The following SLC39A8 variants were observed in gnomAD, a reference collection of about 807,000 sequenced individuals.
SLC39A8 encodes the protein metal cation symporter ZIP8.
A neutral mutation model predicts 40.4 loss-of-function variants in SLC39A8; 15 were observed. The observed-to-expected ratio is 0.37, with a 90% CI of 0.25 to 0.57. SLC39A8 has a LOEUF of 0.57. SLC39A8 is among the 20% of genes least tolerant of loss of function. SLC39A8 has a pLI of 0.75. For synonymous variants in SLC39A8, 223 were observed against 221.6 expected, an observed-to-expected ratio of 1.01 and a Z score of -0.06; for missense variants, 472 against 558.8, an observed-to-expected ratio of 0.84 and a Z score of 1.57.
chr4:102,283,810 G>GTT (rs1733021315), intron 6 of SLC39A8, among the ~76,000 whole-genome samples: 1 of 152,148 alleles, frequency 6.6e-6, no homozygotes, highest in African/African-American at 2.4e-5. Context: ...TATCTAGAAT[G>GTT]TTTTCCAATG....
chr4:102,336,463 T>A (rs559164338), intron 2 of SLC39A8, among the ~76,000 whole-genome samples: 8 of 152,330 alleles, frequency 5.3e-5, no homozygotes, highest in African/African-American at 1.9e-4. Flanking sequence ...ACAATTATGG[T>A]TTATTTTTTA....
At chr4:102,326,253 A>T (rs541154943) in intron 2 of SLC39A8, among the ~76,000 whole-genome samples, 1 of 152,324 alleles carries the variant, frequency 6.6e-6, no homozygotes, top group African/African-American at 2.4e-5. Context: ...AGGGCTGGGG[A>T]GTTGCCACAA....
chr4:102,268,603 C>T (rs1055159171), intron 6 of SLC39A8, among the ~76,000 whole-genome samples: 1 of 152,188 alleles, frequency 6.6e-6, no homozygotes, highest in Non-Finnish European at 1.5e-5. Flanking sequence ...AGACATTGTA[C>T]TAAATGATTC....
At chr4:102,267,707 A>AT in intron 7 of SLC39A8, 33 bp from the exon 8 acceptor site, 1 of 1,551,012 alleles carries the variant, frequency 6.4e-7, no homozygotes, top group Non-Finnish European at 8.7e-7. Flanking sequence ...TCAAGTGAAT[A>AT]GTTTTTTTTT....
At chr4:102,272,319 G>A (rs565933328) in intron 6 of SLC39A8, among the ~76,000 whole-genome samples, 1 of 152,024 alleles carries the variant, frequency 6.6e-6, no homozygotes, top group South Asian at 2.1e-4. Flanking sequence ...GGCGCCTGTA[G>A]TCCCAGCTAC....
chr4:102,341,621 T>C (rs1054613253), intron 2 of SLC39A8, among the ~76,000 whole-genome samples: 4 of 152,200 alleles, frequency 2.6e-5, no homozygotes, highest in Admixed American at 1.3e-4. Flanking sequence ...TCTACCTAAC[T>C]CTTCGCACTG....
chr4:102,332,760 C>A (rs1354414054), intron 2 of SLC39A8, among the ~76,000 whole-genome samples: 1 of 152,196 alleles, frequency 6.6e-6, no homozygotes, highest in Non-Finnish European at 1.5e-5. Context: ...GACTTGGAAC[C>A]AACCCAAATG....
rs144282240 is a variant in SLC39A8, at chr4:102,307,568, A to G, written c.420T>C (p.Asn140=). ...AAATCAATCCGAGGAGAGATGCCAG[A>G]TTAATAATCGTCACTGACAGGAATC... The part of the protein sequence containing the change: ...GYGFLSVTII[N]LASLLGLILT... The change falls in exon 4 of 9, where the codon AAT becomes AAC. Residue 140 remains asparagine (N), a synonymous_variant. Transcript: ENST00000356736. The G allele has an allele frequency of 6.9e-5, 111 of 1,613,342 alleles. No homozygotes were observed. Among genetic ancestry groups the G allele is most frequent in the Admixed American group, 1.2e-4 (7 of 59,934 alleles).
intron 2 of SLC39A8, among the ~76,000 whole-genome samples, chr4:102,326,548 A>G (rs1310365169): frequency 6.6e-6 from 1 of 152,152 alleles, no homozygotes; most frequent in Non-Finnish European, 1.5e-5. Context: ...GCGACAGAGC[A>G]AGACTCCGTC....
intron 6 of SLC39A8, among the ~76,000 whole-genome samples, chr4:102,272,230 G>A (rs991540844): frequency 2.7e-4 from 41 of 151,842 alleles, no homozygotes; most frequent in Admixed American, 2.6e-3. Flanking sequence ...TCAGGAGATC[G>A]AGACCATCCT....
chr4:102,292,217 G>GA (rs1733477699), intron 6 of SLC39A8, among the ~76,000 whole-genome samples: 1 of 151,932 alleles, frequency 6.6e-6, no homozygotes, highest in Non-Finnish European at 1.5e-5. Flanking sequence ...CAAAACAAAT[G>GA]AAAAATAGGT....
intron 8 of SLC39A8, among the ~76,000 whole-genome samples, chr4:102,263,865 C>G (rs1221825234): frequency 1.3e-5 from 2 of 152,144 alleles, no homozygotes; most frequent in African/African-American, 4.8e-5. Context: ...GAAGCAACCC[C>G]TCATTCATTC....
chr4:102,310,719 C>G (rs1321514700), intron 3 of SLC39A8, among the ~76,000 whole-genome samples: 1 of 152,080 alleles, frequency 6.6e-6, no homozygotes, highest in South Asian at 2.1e-4. Flanking sequence ...TTCCACTTAA[C>G]TGAAGCACCA....
At chr4:102,287,252 T>C (rs1318950846) in intron 6 of SLC39A8, among the ~76,000 whole-genome samples, 2 of 152,040 alleles carry the variant, frequency 1.3e-5, no homozygotes, top group Non-Finnish European at 2.9e-5. Context: ...GTATGCAAAA[T>C]TTGGTAGGTC....
intron 2 of SLC39A8, among the ~76,000 whole-genome samples, chr4:102,329,027 CAA>C (rs35230164): frequency 2.5e-4 from 24 of 95,468 alleles, no homozygotes; most frequent in Non-Finnish European, 2.3e-4. Flanking sequence ...GACTGAATCT[CAA>C]AAAAAAAAAA....
rs1383209065 is a variant in SLC39A8 at position 102,261,864 on chromosome 4, A to ATCACCTTAAGTGACTTGGGAGTGT, written c.*1156_*1179dup. The ATCACCTTAAGTGACTTGGGAGTGT allele has an allele frequency of 3.2e-4, 318 of 985,956 alleles. No individual in the cohort carries two copies. Among genetic ancestry groups the ATCACCTTAAGTGACTTGGGAGTGT allele is most frequent in the Non-Finnish European group, 3.7e-4 (303 of 829,892 alleles). The allele number at this position is 985,956 out of a possible 1,614,324, so 61.1% of individuals were successfully genotyped here. On this transcript the variant is annotated 3_prime_UTR_variant, in exon 9 of 9. Transcript: ENST00000356736. The stretch of plus-strand genomic sequence containing the variant: ...TGTCAATCATTTTCCTCACCATCAA[A>ATCACCTTAAGTGACTTGGGAGTGT]TCACCTTAAGTGACTTGGGAGTGTG...
chr4:102,314,514 G>A (rs980524319), intron 3 of SLC39A8, among the ~76,000 whole-genome samples: 1 of 152,080 alleles, frequency 6.6e-6, no homozygotes, highest in Non-Finnish European at 1.5e-5. Flanking sequence ...TCCATCTCCC[G>A]CCAGGACATA....
Position 102,315,706 on chromosome 4 carries a change from T to A in SLC39A8, c.344A>T (p.Asp115Val). Residue 115 changes from aspartate to valine, a missense_variant, in exon 3 of 9, where the codon GAT becomes GTT. This residue lies in a region of SLC39A8 where 175 missense variants were observed against 160.5 expected (regional missense o/e 1.09). Transcript: ENST00000356736. ...TGGTCTTGTTTTGTGCTTGGGCCGA[T>A]CCTCACATGGGTGAAAGTTCAATTG... is the stretch of plus-strand genomic sequence containing the variant. ...LQQLNFHPCE[D>V]RPKHKTRPSH... is the part of the protein sequence containing the mutation. The A allele has an allele frequency of 6.2e-7, 1 of 1,612,880 alleles. No homozygotes were observed. The highest frequency in any genetic ancestry group is 8.5e-7 in the Non-Finnish European group (1 of 1,179,328).
At chr4:102,311,860 AGACTT>A (rs1734439662) in intron 3 of SLC39A8, among the ~76,000 whole-genome samples, 3 of 152,064 alleles carry the variant, frequency 2.0e-5, no homozygotes, top group Non-Finnish European at 4.4e-5. Context: ...GATGAGCTAA[AGACTT>A]GACTCTTCAT....
Sources: gnomAD v4.1 joint callset for allele counts (sites outside exome capture counted in the v4.1 genomes callset) on GRCh38, gnomAD v4.1.1 for gene constraint, gnomAD v4.1.1 regional missense constraint, MANE v1.5 for transcripts, NCBI Gene and HGNC (gene_info 2026-07-23, HGNC 2026-07-21) for gene names.